MAPKAP1: variants seen among roughly 807,000 people sequenced by gnomAD.
The protein encoded by MAPKAP1 is MAPK associated protein 1, also known as target of rapamycin complex 2 subunit MAPKAP1.
A neutral mutation model predicts 65.7 loss-of-function variants in MAPKAP1; 20 were observed. That is an observed-to-expected ratio of 0.30 (90% CI 0.21 to 0.44). The LOEUF (loss-of-function observed/expected upper bound fraction) is 0.44, where lower values mean the gene tolerates loss of function less well. Ranked by LOEUF, MAPKAP1 falls within the 20% of genes least tolerant of loss-of-function variation. The pLI is 1.00. For missense variants in MAPKAP1, 423 were observed against 648.0 expected, an observed-to-expected ratio of 0.65 and a Z score of 3.77; for synonymous variants, 222 against 244.3, an observed-to-expected ratio of 0.91 and a Z score of 0.85.
intron 7 of MAPKAP1, among the ~76,000 whole-genome samples, chr9:125,534,836 G>C (rs1487311036): frequency 6.6e-6 from 1 of 152,030 alleles, no homozygotes; most frequent in African/African-American, 2.4e-5. Context: ...ATTTCAGCTT[G>C]GGATGGTCTT....
intron 6 of MAPKAP1, chr9:125,559,185 GA>G (rs2131502775): frequency 6.5e-6 from 1 of 153,114 alleles, no homozygotes; most frequent in South Asian, 2.1e-4. Flanking sequence ...AAAAAAAGCT[GA>G]AGACATGTGC....
chr9:125,633,011 G>A (rs1202222650), intron 4 of MAPKAP1, among the ~76,000 whole-genome samples: 6 of 152,170 alleles, frequency 3.9e-5, no homozygotes, highest in African/African-American at 1.4e-4. Context: ...TGGTTCTGAG[G>A]AAACCCATGG....
At chr9:125,586,626 G>C (rs889093761) in intron 4 of MAPKAP1, among the ~76,000 whole-genome samples, 1 of 151,558 alleles carries the variant, frequency 6.6e-6, no homozygotes, top group Non-Finnish European at 1.5e-5. Context: ...TTGTTCTCTT[G>C]AGACCCAGGC....
chr9:125,581,741 T>C (rs1447080160), intron 5 of MAPKAP1, among the ~76,000 whole-genome samples: 1 of 152,212 alleles, frequency 6.6e-6, no homozygotes, highest in Non-Finnish European at 1.5e-5. Flanking sequence ...TTTCTTACAT[T>C]TTACATTTAA....
At chr9:125,450,339 C>T (rs919279590) in intron 10 of MAPKAP1, among the ~76,000 whole-genome samples, 1 of 152,142 alleles carries the variant, frequency 6.6e-6, no homozygotes, top group African/African-American at 2.4e-5. Context: ...CACACCCCAC[C>T]CCAAAATCCC....
intron 1 of MAPKAP1, among the ~76,000 whole-genome samples, chr9:125,684,018 G>A (rs1834900082): frequency 6.6e-6 from 1 of 151,918 alleles, no homozygotes; most frequent in African/African-American, 2.4e-5. Flanking sequence ...TCTCATCCTT[G>A]GTAAACCCTT....
intron 9 of MAPKAP1, among the ~76,000 whole-genome samples, chr9:125,470,088 G>C (rs766563387): frequency 1.3e-4 from 20 of 152,174 alleles, no homozygotes; most frequent in Non-Finnish European, 2.8e-4. Flanking sequence ...CATCACCAGA[G>C]ACATGGTTTT....
chr9:125,609,560 T>G (rs766038280), intron 4 of MAPKAP1, among the ~76,000 whole-genome samples: 7 of 152,182 alleles, frequency 4.6e-5, no homozygotes, highest in Non-Finnish European at 7.3e-5. Context: ...TTGCCCAGGT[T>G]GGTCTTGAAC....
intron 1 of MAPKAP1, among the ~76,000 whole-genome samples, chr9:125,695,706 G>C (rs1835362436): frequency 6.6e-6 from 1 of 151,720 alleles, no homozygotes; most frequent in Admixed American, 6.6e-5. Flanking sequence ...ATGCTTAACT[G>C]TACAAGCTGA....
In MAPKAP1 at chr9:125,666,773, G is replaced by A. The variant is rs574357178; in HGVS notation, c.349+3045C>T. On this transcript the variant is annotated intron_variant, in intron 3 of 11. Transcript: ENST00000265960. The stretch of plus-strand genomic sequence containing the variant: ...TGGCTGCTCAGTTTGCCAGGTAGAT[G>A]TTTAGTGGACTGCTGATTCCACTTT... Among the ~76,000 whole-genome samples the A allele has an allele frequency of 2.6e-5, 4 of 152,340 alleles. No individual in the cohort carries two copies. In the East Asian group the frequency reaches 5.8e-4, roughly 22 times the overall value.
intron 10 of MAPKAP1, among the ~76,000 whole-genome samples, chr9:125,451,416 T>C (rs1343735636): frequency 6.6e-6 from 1 of 152,212 alleles, no homozygotes; most frequent in Non-Finnish European, 1.5e-5. Flanking sequence ...GCACCTCCTC[T>C]AACTACGTTT....
chr9:125,518,025 G>A (rs1270219216), intron 7 of MAPKAP1, among the ~76,000 whole-genome samples: 1 of 152,194 alleles, frequency 6.6e-6, no homozygotes, highest in African/African-American at 2.4e-5. Context: ...CTTTGTTGGT[G>A]CTTAATAATC....
At chr9:125,556,614 T>C (rs777011130) in intron 6 of MAPKAP1, among the ~76,000 whole-genome samples, 20 of 152,198 alleles carry the variant, frequency 1.3e-4, no homozygotes, top group African/African-American at 2.7e-4. Context: ...TTCAGCTTAG[T>C]GTCTTCCCAG....
At chr9:125,660,498 T>C (rs992003399) in intron 3 of MAPKAP1, among the ~76,000 whole-genome samples, 7 of 152,224 alleles carry the variant, frequency 4.6e-5, no homozygotes, top group Non-Finnish European at 7.3e-5. Context: ...TACCTCTCAA[T>C]GGTTATTTCT....
At chr9:125,498,120 G>A (rs1290723624) in intron 8 of MAPKAP1, among the ~76,000 whole-genome samples, 6 of 152,196 alleles carry the variant, frequency 3.9e-5, no homozygotes, top group Admixed American at 2.0e-4. Flanking sequence ...TAGATTATCC[G>A]ACAAGAATCC....
At chr9:125,522,521 T>C (rs1247546714) in intron 7 of MAPKAP1, among the ~76,000 whole-genome samples, 1 of 152,136 alleles carries the variant, frequency 6.6e-6, no homozygotes, top group East Asian at 1.9e-4. Context: ...TTCTTAGCCT[T>C]CCCCCTTGTT....
chr9:125,526,364 G>C (rs1244927032), intron 7 of MAPKAP1, among the ~76,000 whole-genome samples: 6 of 152,170 alleles, frequency 3.9e-5, no homozygotes, highest in Non-Finnish European at 7.4e-5. Context: ...TAATGTTATG[G>C]AAAAGCAGCT....
At chr9:125,476,818 T>C (rs1346800910) in intron 9 of MAPKAP1, among the ~76,000 whole-genome samples, 1 of 152,158 alleles carries the variant, frequency 6.6e-6, no homozygotes, top group Non-Finnish European at 1.5e-5. Context: ...AGACAAGAAA[T>C]GGCAAATATG....
chr9:125,667,109 T>C, intron 3 of MAPKAP1, among the ~76,000 whole-genome samples: 1 of 152,186 alleles, frequency 6.6e-6, no homozygotes, highest in East Asian at 1.9e-4. Context: ...ATGGACAGTA[T>C]GGTTACAAAT....
Sources: allele counts gnomAD v4.1 joint callset (sites outside exome capture counted in the v4.1 genomes callset), GRCh38; gene constraint gnomAD v4.1.1; transcripts MANE v1.5; gene names NCBI Gene and HGNC (gene_info 2026-07-23, HGNC 2026-07-21).